The following UBE2K variants were observed in gnomAD, a reference collection of about 807,000 sequenced individuals.
The protein encoded by UBE2K is ubiquitin-conjugating enzyme E2 K.
Under a neutral mutation model 30.0 loss-of-function variants are expected in UBE2K, and 6 were observed. That is an observed-to-expected ratio of 0.20 (90% CI 0.11 to 0.39). The LOEUF (loss-of-function observed/expected upper bound fraction) is 0.39. Ranked by LOEUF, UBE2K falls within the 10% of genes least tolerant of loss-of-function variation. The pLI, the probability that UBE2K is intolerant of heterozygous loss-of-function variation, is 1.00. For synonymous variants in UBE2K, 86 were observed against 83.7 expected (o/e 1.03, Z -0.15); for missense variants, 61 against 241.6 (o/e 0.25, Z 4.96).
intron 1 of UBE2K, among the ~76,000 whole-genome samples, chr4:39,701,562 G>A (rs1427629887): frequency 1.3e-5 from 2 of 152,044 alleles, no homozygotes; most frequent in African/African-American, 4.8e-5. Context: ...TTGGATCTAG[G>A]TCTGCTTGTG....
At chr4:39,752,587 C>T (rs1721327320) in intron 3 of UBE2K, among the ~76,000 whole-genome samples, 1 of 152,062 alleles carries the variant, frequency 6.6e-6, no homozygotes, top group Non-Finnish European at 1.5e-5. Flanking sequence ...CCACCTGCCT[C>T]GCCCTCCCAA....
At chr4:39,750,403 G>C (rs1429619146) in intron 3 of UBE2K, among the ~76,000 whole-genome samples, 1 of 152,074 alleles carries the variant, frequency 6.6e-6, no homozygotes, top group Non-Finnish European at 1.5e-5. Context: ...TTTAAGAATA[G>C]TTTCCTTCAT....
At chr4:39,736,894 C>G (rs1424494079) in intron 1 of UBE2K, among the ~76,000 whole-genome samples, 1 of 152,200 alleles carries the variant, frequency 6.6e-6, no homozygotes, top group African/African-American at 2.4e-5. Context: ...CTAGAGCTTT[C>G]ACCATTCTGG....
At chr4:39,732,032 T>C (rs1720101793) in intron 1 of UBE2K, among the ~76,000 whole-genome samples, 1 of 152,214 alleles carries the variant, frequency 6.6e-6, no homozygotes, top group African/African-American at 2.4e-5. Context: ...GAGGCTAATA[T>C]TGTTAATTAT....
chr4:39,766,059 A>C (rs1487612849), intron 4 of UBE2K, among the ~76,000 whole-genome samples: 1 of 152,186 alleles, frequency 6.6e-6, no homozygotes, highest in East Asian at 1.9e-4. Flanking sequence ...TATTGTTATG[A>C]ACATTTATAT....
chr4:39,713,918 C>G (rs1316094001), intron 1 of UBE2K: 2 of 151,944 alleles, frequency 1.3e-5, no homozygotes, highest in Non-Finnish European at 2.9e-5. Flanking sequence ...GAGTCTTGCT[C>G]TATTATTGCT....
At chr4:39,768,447 CAAAA>C (rs35005914) in intron 4 of UBE2K, among the ~76,000 whole-genome samples, 1 of 88,142 alleles carries the variant, frequency 1.1e-5, no homozygotes. Context: ...ACTTCGTTTC[CAAAA>C]AAAAAAAAAA....
intron 1 of UBE2K, among the ~76,000 whole-genome samples, chr4:39,705,554 T>G (rs2109305088): frequency 6.6e-6 from 1 of 152,118 alleles, no homozygotes; most frequent in African/African-American, 2.4e-5. Context: ...TTGAAAATAT[T>G]GACTATAGCC....
intron 1 of UBE2K, among the ~76,000 whole-genome samples, chr4:39,728,973 CT>C (rs76762722): frequency 0.13 from 18,050 of 137,432 alleles, 1,172 homozygotes; most frequent in East Asian, 0.21. Context: ...AGCCCCCCAC[CT>C]TTTTTTTTTT....
At chr4:39,741,087 G>T (rs1414155499) in intron 2 of UBE2K, among the ~76,000 whole-genome samples, 1 of 151,904 alleles carries the variant, frequency 6.6e-6, no homozygotes, top group Non-Finnish European at 1.5e-5. Context: ...CCTGACCAAC[G>T]TGGTGAAACT....
intron 1 of UBE2K, among the ~76,000 whole-genome samples, chr4:39,728,822 T>G (rs200607687): frequency 3.1e-4 from 45 of 144,252 alleles, no homozygotes; most frequent in East Asian, 2.2e-3. Flanking sequence ...TTTTTTGTTT[T>G]TTTTGTTTTT....
chr4:39,747,781 T>A (rs2109363105), intron 3 of UBE2K, among the ~76,000 whole-genome samples: 1 of 151,940 alleles, frequency 6.6e-6, no homozygotes, highest in South Asian at 2.1e-4. Flanking sequence ...CTCGCCCGGC[T>A]AATTTTGTTG....
chr4:39,739,861 T>G (rs1212515825), intron 2 of UBE2K, among the ~76,000 whole-genome samples: 1 of 152,270 alleles, frequency 6.6e-6, no homozygotes, highest in Non-Finnish European at 1.5e-5. Flanking sequence ...AGTCTTGGGA[T>G]TCTAGGCATG....
chr4:39,733,194 A>G (rs1002921220), intron 1 of UBE2K, among the ~76,000 whole-genome samples: 2 of 152,134 alleles, frequency 1.3e-5, no homozygotes, highest in Non-Finnish European at 2.9e-5. Context: ...AATTTCACCC[A>G]AAAGCTACAG....
At chr4:39,726,660 A>G (rs1352977329) in intron 1 of UBE2K, among the ~76,000 whole-genome samples, 1 of 151,988 alleles carries the variant, frequency 6.6e-6, no homozygotes, top group Non-Finnish European at 1.5e-5. Context: ...CAATGGTGCG[A>G]TCTCGGCTTA....
Position 39,779,859 on chromosome 4 carries a change from T to C in UBE2K, c.*1425T>C, listed in dbSNP as rs1713508605. The C allele has an allele frequency of 6.6e-6, 1 of 152,212 alleles. No homozygotes were observed. Among genetic ancestry groups the C allele is most frequent in the Non-Finnish European group, 1.5e-5 (1 of 68,026 alleles). The allele number at this position is 152,212 out of a possible 1,614,324, so 9.4% of individuals were successfully genotyped here. A position where few individuals can be genotyped will look rare whatever the true frequency, so the allele number is the denominator to read the frequency against. On this transcript the variant is annotated 3_prime_UTR_variant, in exon 7 of 7. Transcript: ENST00000261427. ...AAAGTCATATTATAAAAGGTTTGCT[T>C]TCTTTAAGTGTTATTTATCTTAAAT...
chr4:39,759,393 C>G (rs932681619), intron 4 of UBE2K, among the ~76,000 whole-genome samples: 1 of 152,162 alleles, frequency 6.6e-6, no homozygotes, highest in African/African-American at 2.4e-5. Context: ...TCTCCTGCCT[C>G]GGCCTCCTAA....
chr4:39,704,272 G>A (rs900487039), intron 1 of UBE2K, among the ~76,000 whole-genome samples: 2 of 151,792 alleles, frequency 1.3e-5, no homozygotes, highest in Admixed American at 1.3e-4. Context: ...GTAAAAAAGT[G>A]GTTTTTAAAG....
intron 1 of UBE2K, among the ~76,000 whole-genome samples, chr4:39,719,033 G>T (rs1719274429): frequency 1.3e-5 from 2 of 152,370 alleles, no homozygotes; most frequent in South Asian, 4.1e-4. Context: ...GTGAGCAAGG[G>T]CTGTGAGGGC....
Sources: allele counts gnomAD v4.1 joint callset (sites outside exome capture counted in the v4.1 genomes callset), GRCh38; gene constraint gnomAD v4.1.1; transcripts MANE v1.5; gene names NCBI Gene and HGNC (gene_info 2026-07-23, HGNC 2026-07-21).